MCC: variants seen among roughly 807,000 people sequenced by gnomAD.
MCC encodes the protein colorectal mutant cancer protein.
A neutral mutation model predicts 116.2 loss-of-function variants in MCC; 90 were observed. The ratio of observed to expected loss-of-function variants is 0.77; its 90% CI spans 0.65 to 0.92. MCC has a LOEUF of 0.92. MCC is among the 40% of genes least tolerant of loss of function. MCC has a pLI of 0.00. For synonymous variants in MCC, 578 were observed against 510.5 expected (o/e 1.13, Z -1.78); for missense variants, 1,516 against 1,312.2 (o/e 1.16, Z -2.40).
chr5:113,370,247 C>T (rs887015755), intron 2 of MCC, among the ~76,000 whole-genome samples: 2 of 152,172 alleles, frequency 1.3e-5, no homozygotes, highest in African/African-American at 4.8e-5. Context: ...TAAGGATTTT[C>T]CTCTAATTAT....
chr5:113,473,070 G>C (rs946036929), intron 1 of MCC, among the ~76,000 whole-genome samples: 5 of 152,156 alleles, frequency 3.3e-5, no homozygotes, highest in Non-Finnish European at 7.4e-5. Flanking sequence ...ATACAAGTTA[G>C]TATTGGGTAA....
intron 14 of MCC, among the ~76,000 whole-genome samples, chr5:113,060,150 G>A (rs535255904): frequency 7.7e-4 from 100 of 129,462 alleles, no homozygotes; most frequent in Middle Eastern, 3.9e-3. Flanking sequence ...AGCTCTTTTT[G>A]TTTGTTTGTT....
At chr5:113,136,822 C>A (rs1758859394) in intron 5 of MCC, among the ~76,000 whole-genome samples, 1 of 152,154 alleles carries the variant, frequency 6.6e-6, no homozygotes, top group Non-Finnish European at 1.5e-5. Context: ...AATTTGACTT[C>A]TTCCTTTCCA....
chr5:113,406,916 C>T (rs181204223), intron 1 of MCC, among the ~76,000 whole-genome samples: 1 of 152,204 alleles, frequency 6.6e-6, no homozygotes, highest in African/African-American at 2.4e-5. Flanking sequence ...GGTTCTACAC[C>T]CCTTGAGCCT....
Position 113,478,116 on chromosome 5 carries a change from G to A in MCC, c.170+10129C>T, listed in dbSNP as rs550585825. Among the ~76,000 whole-genome samples the A allele has an allele frequency of 3.9e-5, 6 of 152,316 alleles. No homozygotes were observed. In the South Asian group the frequency reaches 1.2e-3, roughly 32 times the overall value. ...ACTTTTTGGTGATGACACTAAGACA[G>A]AGGCAAGGTTTGGTGCCAACTCACA... On this transcript the variant is annotated intron_variant, in intron 1 of 18. Coordinates refer to ENST00000408903, the MANE Select transcript of MCC (RefSeq NM_001085377.2).
At chr5:113,395,012 A>T in intron 1 of MCC, among the ~76,000 whole-genome samples, 1 of 152,178 alleles carries the variant, frequency 6.6e-6, no homozygotes, top group Non-Finnish European at 1.5e-5. Flanking sequence ...ATACTATATG[A>T]CCCTTTACAG....
intron 3 of MCC, among the ~76,000 whole-genome samples, chr5:113,189,621 GAATA>G (rs1261144232): frequency 6.6e-6 from 1 of 152,106 alleles, no homozygotes; most frequent in Non-Finnish European, 1.5e-5. Flanking sequence ...ACACGATACA[GAATA>G]AATAAAAGTG....
chr5:113,121,953 T>G (rs1757758416), intron 6 of MCC, among the ~76,000 whole-genome samples: 1 of 152,224 alleles, frequency 6.6e-6, no homozygotes, highest in Non-Finnish European at 1.5e-5. Flanking sequence ...ACCAGTAGTT[T>G]TGTAACATTT....
At chr5:113,090,797 A>C (rs943787457) in intron 8 of MCC, among the ~76,000 whole-genome samples, 2 of 152,244 alleles carry the variant, frequency 1.3e-5, no homozygotes, top group African/African-American at 4.8e-5. Flanking sequence ...AGCTTCAGCT[A>C]AAGTCAACAG....
At chr5:113,191,034 C>A (rs1329076758) in intron 3 of MCC, among the ~76,000 whole-genome samples, 1 of 152,198 alleles carries the variant, frequency 6.6e-6, no homozygotes, top group Non-Finnish European at 1.5e-5. Context: ...AGGGCCCATC[C>A]TCTCTGGATT....
At chr5:113,222,267 T>A in intron 3 of MCC, among the ~76,000 whole-genome samples, 1 of 152,356 alleles carries the variant, frequency 6.6e-6, no homozygotes, top group East Asian at 1.9e-4. Context: ...AGGATTAACC[T>A]CACTTTGTCA....
chr5:113,478,930 T>C lies in MCC; in HGVS notation c.170+9315A>G, dbSNP rs1772303464. ...TACTGTGAGCATTACATAAGCGATA[T>C]GAATATCTGGTAAGCACTCCATACG... On this transcript the variant is annotated intron_variant, in intron 1 of 18. Transcript: ENST00000408903. Among the ~76,000 whole-genome samples, 6 of 152,226 alleles carry C rather than the reference T, an allele frequency of 3.9e-5. No individual in the cohort carries two copies. In the South Asian group the frequency reaches 1.2e-3, roughly 32 times the overall value.
At chr5:113,354,458 A>G (rs1021980239) in intron 2 of MCC, among the ~76,000 whole-genome samples, 4 of 145,662 alleles carry the variant, frequency 2.7e-5, no homozygotes, top group African/African-American at 1.0e-4. Context: ...TTTCTGAGAC[A>G]GAGTCTTGCT....
chr5:113,202,516 T>C (rs187109615), intron 3 of MCC, among the ~76,000 whole-genome samples: 381 of 152,306 alleles, frequency 2.5e-3, no homozygotes, highest in South Asian at 1.7e-3. Flanking sequence ...TCACTGTCAT[T>C]CTTTTGGACA....
In MCC at chr5:113,385,008, A is replaced by G. The variant is rs1467292499; in HGVS notation, c.375T>C (p.Asp125=). Residue 125 remains aspartate, a synonymous_variant, in exon 2 of 19, where the codon GAT becomes GAC. Transcript: ENST00000408903. The part of the protein sequence containing the change: ...SDNSCTKKLR[D]RIASWPTSSD... ...TGCTCGTGGGCCAGGAAGCAATTCT[A>G]TCCCTCAGCTTCTTTGTACAGGAGT... 2.0e-5 allele frequency: 33 copies of G among 1,613,960 alleles called. No individual in the cohort carries two copies. Among genetic ancestry groups the G allele is most frequent in the Non-Finnish European group, 2.6e-5 (31 of 1,179,902 alleles).
intron 3 of MCC, among the ~76,000 whole-genome samples, chr5:113,258,952 C>T (rs1210036428): frequency 6.6e-6 from 1 of 152,102 alleles, no homozygotes; most frequent in Admixed American, 6.6e-5. Context: ...TGTACTACTC[C>T]GACCACATAA....
Position 113,488,420 on chromosome 5 carries a change from C to G in MCC, c.-6G>C, listed in dbSNP as rs771636827. ...GCCGCCGCGGCCGCCATCATGCGCC[C>G]GCTCCCTACTTGGGAGGAGGAGTAC... On this transcript the variant is annotated 5_prime_UTR_variant, in exon 1 of 19. Transcript: ENST00000408903. 1.0e-5 allele frequency: 14 copies of G among 1,402,926 alleles called. No homozygotes were observed. The South Asian group carries it at 1.9e-4, about 20-fold the overall frequency. 86.9% of individuals were successfully genotyped at this position (1,402,926 alleles called of 1,614,324 possible).
intron 3 of MCC, among the ~76,000 whole-genome samples, chr5:113,295,533 T>C (rs1442436833): frequency 1.3e-5 from 2 of 152,062 alleles, no homozygotes; most frequent in African/African-American, 2.4e-5. Flanking sequence ...CCTTGAAAGA[T>C]GTCAGATAGG....
At chr5:113,231,054 G>A (rs978684603) in intron 3 of MCC, among the ~76,000 whole-genome samples, 4 of 151,870 alleles carry the variant, frequency 2.6e-5, no homozygotes, top group African/African-American at 9.7e-5. Context: ...ATTCTGAAAA[G>A]CAAATCCTCT....
Sources: gnomAD v4.1 joint callset for allele counts (sites outside exome capture counted in the v4.1 genomes callset) on GRCh38, gnomAD v4.1.1 for gene constraint, MANE v1.5 for transcripts, NCBI Gene and HGNC (gene_info 2026-07-23, HGNC 2026-07-21) for gene names.